Variants in ZNF644 observed in about 807,000 individuals in gnomAD.
ZNF644 encodes the protein zinc finger motif enhancer binding protein 2.
ZNF644 carries 20 observed loss-of-function variants against 108.0 expected under a neutral mutation model. The observed-to-expected ratio is 0.19, with a 90% CI of 0.13 to 0.27. ZNF644 has a LOEUF of 0.27. Among genes scored for constraint, ZNF644 ranks in the 10% least tolerant of loss-of-function variants. The pLI is 1.00. For synonymous variants in ZNF644, 542 were observed against 539.1 expected (o/e 1.01, Z -0.08); for missense variants, 1,338 against 1,548.9 (o/e 0.86, Z 2.29).
intron 1 of ZNF644, chr1:91,021,781 G>GGCC (rs1660960790): frequency 2.6e-6 from 1 of 377,606 alleles, no homozygotes; most frequent in African/African-American, 2.1e-5. Context: ...CCGCCTCCTC[G>GGCC]GCCGCCGCCG....
chr1:90,994,098 TAG>T (rs57286863), intron 1 of ZNF644, among the ~76,000 whole-genome samples: 2,027 of 152,258 alleles, frequency 0.013, 52 homozygotes, highest in African/African-American at 0.045. Flanking sequence ...GAATGCTTCT[TAG>T]TACATTTGCA....
chr1:90,965,198 T>G (rs1654734866), intron 2 of ZNF644, among the ~76,000 whole-genome samples: 2 of 152,112 alleles, frequency 1.3e-5, no homozygotes, highest in African/African-American at 4.8e-5. Flanking sequence ...TAACAAAAAT[T>G]TATTGGCTGA....
At chr1:90,985,865 G>A (rs1345174093) in intron 1 of ZNF644, among the ~76,000 whole-genome samples, 4 of 152,038 alleles carry the variant, frequency 2.6e-5, no homozygotes, top group Non-Finnish European at 5.9e-5. Flanking sequence ...TTAGTTTTCT[G>A]AGAAAGTGCC....
At chr1:90,996,418 G>A (rs924325475) in intron 1 of ZNF644, among the ~76,000 whole-genome samples, 3 of 152,118 alleles carry the variant, frequency 2.0e-5, no homozygotes, top group African/African-American at 4.8e-5. Flanking sequence ...AATCTTATTT[G>A]GGAAGACCAG....
intron 1 of ZNF644, among the ~76,000 whole-genome samples, chr1:90,999,770 A>G (rs1455942215): frequency 2.0e-5 from 3 of 152,204 alleles, no homozygotes; most frequent in East Asian, 1.9e-4. Context: ...AAGACCCATC[A>G]GTGTGCTGTA....
chr1:91,019,634 G>A (rs998524105), intron 1 of ZNF644, among the ~76,000 whole-genome samples: 3 of 152,126 alleles, frequency 2.0e-5, no homozygotes. Context: ...GCAGTGCCAC[G>A]ATCTCAGCTC....
intron 1 of ZNF644, among the ~76,000 whole-genome samples, chr1:91,014,216 C>A (rs923553524): frequency 1.2e-4 from 19 of 152,156 alleles, no homozygotes; most frequent in Non-Finnish European, 2.2e-4. Context: ...ACTCTCCTAG[C>A]AACTTTCAAG....
intron 2 of ZNF644, among the ~76,000 whole-genome samples, chr1:90,941,574 C>CAA (rs1424265292): frequency 6.6e-6 from 1 of 152,088 alleles, no homozygotes; most frequent in Non-Finnish European, 1.5e-5. Context: ...GCAACATACA[C>CAA]AAACACACTA....
intron 4 of ZNF644, among the ~76,000 whole-genome samples, chr1:90,932,418 T>C (rs1212332966): frequency 1.3e-5 from 2 of 152,204 alleles, no homozygotes; most frequent in Non-Finnish European, 2.9e-5. Context: ...CTATCTACTT[T>C]CCCTTTACAT....
At position 90,916,667 on chromosome 1, in the gene ZNF644, G is replaced by T; in HGVS notation, c.*131C>A. On this transcript the variant is annotated 3_prime_UTR_variant, in exon 6 of 6. Transcript: ENST00000337393. ...TTTTAAGTATTCAATTTGCTCTGAT[G>T]TCACTGTAATTCACTTTCCCCCCAT... is the stretch of plus-strand genomic sequence containing the variant. 1.1e-6 allele frequency: 1 copy of T among 935,670 alleles called. No individual in the cohort carries two copies. The highest frequency in any genetic ancestry group is 1.7e-6 in the Non-Finnish European group (1 of 596,822). 58.0% of individuals were successfully genotyped at this position (935,670 alleles called of 1,614,324 possible). A position where few individuals can be genotyped will look rare whatever the true frequency, so the allele number is the denominator to read the frequency against.
At chr1:91,006,040 G>A (rs1659390036) in intron 1 of ZNF644, among the ~76,000 whole-genome samples, 1 of 151,966 alleles carries the variant, frequency 6.6e-6, no homozygotes, top group African/African-American at 2.4e-5. Context: ...ACTACAGTGA[G>A]GAATGGAAAA....
intron 1 of ZNF644, among the ~76,000 whole-genome samples, chr1:91,004,899 G>A (rs1263415574): frequency 6.6e-6 from 1 of 151,986 alleles, no homozygotes; most frequent in African/African-American, 2.4e-5. Context: ...ACAAAAGGCA[G>A]CACTACAGGA....
intron 1 of ZNF644, among the ~76,000 whole-genome samples, chr1:91,000,741 CAGG>C (rs1658684633): frequency 6.6e-6 from 1 of 152,000 alleles, no homozygotes; most frequent in Admixed American, 6.6e-5. Flanking sequence ...TCAATGAATC[CAGG>C]AGCTGGTTTT....
chr1:90,921,130 T>G (rs1437942861), intron 4 of ZNF644, among the ~76,000 whole-genome samples: 3 of 152,048 alleles, frequency 2.0e-5, no homozygotes, highest in Non-Finnish European at 4.4e-5. Context: ...AAGGATGAGG[T>G]AGAAACATGT....
chr1:91,021,034 TGTC>T (rs1281872136), intron 1 of ZNF644: 1 of 152,252 alleles, frequency 6.6e-6, no homozygotes, highest in African/African-American at 2.4e-5. Flanking sequence ...CAACAAGAGT[TGTC>T]TGTAGAAGTC....
intron 1 of ZNF644, among the ~76,000 whole-genome samples, chr1:90,997,381 T>A (rs1015816152): frequency 6.6e-6 from 1 of 152,102 alleles, no homozygotes; most frequent in Non-Finnish European, 1.5e-5. Flanking sequence ...CTAAGCCAAC[T>A]GAGCAGAGAT....
Position 90,939,257 on chromosome 1 carries a change from G to C in ZNF644, c.2097C>G (p.Cys699Trp). ...KSIAQSGVNM[C>W]NQNSSPHKNV... ...TCTTATGAGGAGAGCTGTTTTGATT[G>C]CACATGTTTACACCTGATTGGGCAA... The change falls in exon 3 of 6, where the codon TGC becomes TGG. Residue 699 changes from cysteine (C) to tryptophan (W), a missense_variant. By Grantham distance (215) the Cys-to-Trp change is radical. Around this residue, in one of 6 missense-constraint regions of ZNF644, gnomAD observed 462 missense variants for 472.6 expected, o/e 0.98. Transcript: ENST00000337393. The C allele has an allele frequency of 6.2e-7, 1 of 1,613,996 alleles. No homozygotes were observed. The highest frequency in any genetic ancestry group is 8.5e-7 in the Non-Finnish European group (1 of 1,179,918).
intron 4 of ZNF644, among the ~76,000 whole-genome samples, chr1:90,927,677 A>T (rs1199246538): frequency 6.6e-6 from 1 of 152,224 alleles, no homozygotes; most frequent in Non-Finnish European, 1.5e-5. Flanking sequence ...CTTAATGAAG[A>T]ACAATACTAT....
At chr1:91,012,383 G>A (rs1660039162) in intron 1 of ZNF644, among the ~76,000 whole-genome samples, 1 of 151,948 alleles carries the variant, frequency 6.6e-6, no homozygotes, top group Non-Finnish European at 1.5e-5. Flanking sequence ...GAAGCTGAAG[G>A]AGGAGGATCG....
Sources: gnomAD v4.1 joint callset for allele counts (sites outside exome capture counted in the v4.1 genomes callset) on GRCh38, gnomAD v4.1.1 for gene constraint, gnomAD v4.1.1 regional missense constraint, MANE v1.5 for transcripts, NCBI Gene and HGNC (gene_info 2026-07-23, HGNC 2026-07-21) for gene names.